The following SETDB2 variants were observed in gnomAD, a reference collection of about 807,000 sequenced individuals.
SETDB2 encodes the protein histone-lysine N-methyltransferase SETDB2.
In SETDB2, 56 loss-of-function variants were observed where a neutral mutation model predicts 82.5. The ratio of observed to expected loss-of-function variants is 0.68; its 90% CI spans 0.55 to 0.85. The LOEUF is 0.85. SETDB2 is among the 40% of genes least tolerant of loss of function. SETDB2 has a pLI of 0.00. For synonymous variants in SETDB2, 272 were observed against 284.9 expected (o/e 0.95, Z 0.46); for missense variants, 677 against 816.4 (o/e 0.83, Z 2.08).
chr13:49,453,637 G>A (rs965045544), intron 2 of SETDB2, among the ~76,000 whole-genome samples: 3 of 152,076 alleles, frequency 2.0e-5, no homozygotes, highest in Non-Finnish European at 4.4e-5. Context: ...CGTCATCAGT[G>A]TAGGTATTTT....
chr13:49,488,775 T>C (rs80072957), intron 12 of SETDB2, 145 bp downstream of exon 12: 37,477 of 632,336 alleles, frequency 0.059, 1,379 homozygotes, highest in Middle Eastern at 0.09. Flanking sequence ...GTTGGATGTT[T>C]TACTTGACCT....
At chr13:49,454,741 A>G (rs1449847239) in intron 2 of SETDB2, among the ~76,000 whole-genome samples, 3 of 152,214 alleles carry the variant, frequency 2.0e-5, no homozygotes, top group East Asian at 1.9e-4. Flanking sequence ...GCATAATGTC[A>G]TGCATCTATA....
rs1451471590 is a variant in SETDB2 at position 49,493,559 on chromosome 13, T to G, written c.*1710T>G. On this transcript the variant is annotated 3_prime_UTR_variant, in exon 14 of 14. Transcript: ENST00000611815. ...TCCAGTTAGATGCCATTATTTTCCT[T>G]TTCCTTGGTTTACTCTTCCACATAT... is the stretch of plus-strand genomic sequence containing the variant. The G allele has an allele frequency of 3.3e-5, 5 of 152,230 alleles. No individual in the cohort carries two copies. The highest frequency in any genetic ancestry group is 2.6e-4 in the Admixed American group (4 of 15,290). The allele number at this position is 152,230 out of a possible 1,614,324, so 9.4% of individuals were successfully genotyped here.
intron 5 of SETDB2, among the ~76,000 whole-genome samples, chr13:49,473,546 G>C (rs1293471879): frequency 3.4e-5 from 4 of 116,200 alleles, no homozygotes; most frequent in Non-Finnish European, 6.7e-5. Context: ...GTAAGACCCT[G>C]TCTCCAAAAA....
Position 49,482,950 on chromosome 13 carries a change from A to G in SETDB2, c.1370A>G (p.Lys457Arg), listed in dbSNP as rs1464950199. 1.2e-6 allele frequency: 2 copies of G among 1,606,802 alleles called. No homozygotes were observed. Among genetic ancestry groups the G allele is most frequent in the African/African-American group, 1.3e-5 (1 of 74,648 alleles). Reference sequence around the variant, plus strand: ...CCACCAAAGTTCAGTAATAATCCCAAGGAGCTTACTGTGTAAGTAACAGCT... The same window carrying G: ...CCACCAAAGTTCAGTAATAATCCCAGGGAGCTTACTGTGTAAGTAACAGCT... Reference protein sequence around the residue: ...KCPPKFSNNPKELTVETKYDN... With the variant: ...KCPPKFSNNPRELTVETKYDN... Residue 457 changes from lysine (K) to arginine (R), a missense_variant, in exon 9 of 14, where the codon AAG (lysine) becomes AGG (arginine). Coordinates refer to ENST00000611815, the MANE Select transcript of SETDB2 (RefSeq NM_001160308.3).
rs759430953 is a variant in SETDB2 at position 49,476,966 on chromosome 13, C to T, written c.796C>T (p.Arg266Ter). 1 of 1,613,764 alleles carries T rather than the reference C, an allele frequency of 6.2e-7. No homozygotes were observed. The highest frequency in any genetic ancestry group is 1.1e-5 in the South Asian group (1 of 91,040). Residue 266 changes from arginine (R) to a stop codon, truncating the protein, a stop_gained, in exon 6 of 14, where the codon CGA becomes TGA. Coordinates refer to ENST00000611815, the MANE Select transcript of SETDB2 (RefSeq NM_001160308.3). LOFTEE classifies it high-confidence loss of function. ...TAAGTACAGAAAGACTGTGTGGCCT[C>T]GAGCATATAATCTAACCAACTTTTC... ...QFKYRKTVWPRAYNLTNFSSM... is the reference protein window; with the variant it reads ...QFKYRKTVWP
chr13:49,458,736 T>C (rs1429524817), intron 2 of SETDB2, among the ~76,000 whole-genome samples: 1 of 152,232 alleles, frequency 6.6e-6, no homozygotes, highest in African/African-American at 2.4e-5. Context: ...CTCTTACTAC[T>C]TGAATTTGCC....
At chr13:49,460,999 A>G (rs1957981295) in intron 3 of SETDB2, 98 bp from the exon 4 acceptor site, 9 of 875,302 alleles carry the variant, frequency 1.0e-5, no homozygotes, top group Non-Finnish European at 1.6e-5. Context: ...TCAGAGGAAT[A>G]GTGAAGATTA....
At chr13:49,467,808 A>G in intron 4 of SETDB2, 56 bp from the exon 5 acceptor site, 1 of 1,350,474 alleles carries the variant, frequency 7.4e-7, no homozygotes, top group Non-Finnish European at 1.0e-6. Context: ...TTGGGTACTT[A>G]TAGCAAATGG....
In SETDB2 at chr13:49,491,963, G is replaced by A; in HGVS notation, c.*114G>A. ...CCCCTCCGTTTTCCTTTGTCATGGG[G>A]TTTATGTTTTATTTCAGATTTTATT... is the stretch of plus-strand genomic sequence containing the variant. On this transcript the variant is annotated 3_prime_UTR_variant, in exon 14 of 14. Coordinates refer to ENST00000611815, the MANE Select transcript of SETDB2 (RefSeq NM_001160308.3). 2.6e-6 allele frequency: 2 copies of A among 770,790 alleles called. No individual in the cohort carries two copies. The highest frequency in any genetic ancestry group is 3.8e-5 in the Admixed American group (2 of 52,936). The allele number at this position is 770,790 out of a possible 1,614,324, so 47.7% of individuals were successfully genotyped here. A position where few individuals can be genotyped will look rare whatever the true frequency, so the allele number is the denominator to read the frequency against.
Position 49,483,526 on chromosome 13 carries a change from C to T in SETDB2, c.1445C>T (p.Ser482Phe). ...CATTCAGTTATTAGAGATCCTGAAT[C>T]CAAGACAGCCATTTTTCAACACAAT... ...QYHSVIRDPE[S>F]KTAIFQHNGK... The change falls in exon 10 of 14, where the codon TCC (serine) becomes TTC (phenylalanine). Residue 482 changes from serine to phenylalanine, a missense_variant. Physicochemically the swap from Ser to Phe is radical, Grantham distance 155 (BLOSUM62 -2). Coordinates refer to ENST00000611815, the MANE Select transcript of SETDB2 (RefSeq NM_001160308.3). The T allele has an allele frequency of 6.7e-7, 1 of 1,495,850 alleles. No individual in the cohort carries two copies. Among genetic ancestry groups the T allele is most frequent in the Non-Finnish European group, 9.0e-7 (1 of 1,107,440 alleles). 92.7% of individuals were successfully genotyped at this position (1,495,850 alleles called of 1,614,324 possible).
rs904014308 is a variant in SETDB2 at position 49,480,276 on chromosome 13, A to G, written c.927A>G (p.Ser309=). ...GGAATGCCAAAACTTCCCCCTTGTCAAGTGACAAAATAACCACTGGATATA... is the reference window on the plus strand; with the variant it reads ...GGAATGCCAAAACTTCCCCCTTGTCGAGTGACAAAATAACCACTGGATATA... ...TARNAKTSPL[S]SDKITTGYKY... is the part of the protein sequence containing the mutation. The change falls in exon 7 of 14, where the codon TCA becomes TCG. Residue 309 remains serine, a synonymous_variant. Transcript: ENST00000611815. 2.5e-6 allele frequency: 4 copies of G among 1,611,994 alleles called. No individual in the cohort carries two copies. The highest frequency in any genetic ancestry group is 3.4e-5 in the Admixed American group (2 of 59,342).
intron 1 of SETDB2, among the ~76,000 whole-genome samples, chr13:49,448,223 T>C (rs1372049852): frequency 3.9e-5 from 6 of 152,188 alleles, no homozygotes; most frequent in Admixed American, 3.9e-4. Flanking sequence ...TGGTAATTTA[T>C]ATTTTCCTAG....
chr13:49,466,793 G>T (rs959845010), intron 4 of SETDB2, among the ~76,000 whole-genome samples: 1 of 146,928 alleles, frequency 6.8e-6, no homozygotes, highest in African/African-American at 2.5e-5. Context: ...ACAGGCATGC[G>T]CCACCATGCC....
chr13:49,475,610 C>T (rs1050971547), intron 5 of SETDB2, among the ~76,000 whole-genome samples: 39 of 151,960 alleles, frequency 2.6e-4, no homozygotes, highest in African/African-American at 9.2e-4. Flanking sequence ...CCTCAGCCCC[C>T]GAAGTAGCTG....
At position 49,476,962 on chromosome 13, in the gene SETDB2, G is replaced by T; in HGVS notation, c.792G>T (p.Trp264Cys). 3.1e-6 allele frequency: 5 copies of T among 1,613,884 alleles called. No homozygotes were observed. Among genetic ancestry groups the T allele is most frequent in the Non-Finnish European group, 4.2e-6 (5 of 1,180,000 alleles). Residue 264 changes from tryptophan to cysteine, a missense_variant, in exon 6 of 14, where the codon TGG becomes TGT. Trp to Cys is a radical substitution (Grantham distance 215). This residue lies in a region of SETDB2 where 420 missense variants were observed against 554.6 expected (regional missense o/e 0.76). Transcript: ENST00000611815. Reference protein sequence around the residue: ...LPQFKYRKTVWPRAYNLTNFS... With the variant: ...LPQFKYRKTVCPRAYNLTNFS... ...AGTTTAAGTACAGAAAGACTGTGTGGCCTCGAGCATATAATCTAACCAACT... is the reference window on the plus strand; with the variant it reads ...AGTTTAAGTACAGAAAGACTGTGTGTCCTCGAGCATATAATCTAACCAACT...
chr13:49,489,867 A>G (rs1369110496), intron 12 of SETDB2, among the ~76,000 whole-genome samples: 1 of 134,086 alleles, frequency 7.5e-6, no homozygotes, highest in Non-Finnish European at 1.6e-5. Context: ...AAGTGCTGGG[A>G]TTACAGGTGT....
chr13:49,482,346 A>T (rs1470443256), intron 8 of SETDB2: 7 of 984,246 alleles, frequency 7.1e-6, no homozygotes, highest in Non-Finnish European at 8.4e-6. Context: ...TTAAATAGGT[A>T]CTTTTGTTAA....
chr13:49,453,533 A>G (rs942103536), intron 2 of SETDB2, among the ~76,000 whole-genome samples: 8 of 151,994 alleles, frequency 5.3e-5, no homozygotes, highest in African/African-American at 7.2e-5. Context: ...CCTGACCTCA[A>G]GTGATCCACC....
Sources: gnomAD v4.1 joint callset for allele counts (sites outside exome capture counted in the v4.1 genomes callset) on GRCh38, gnomAD v4.1.1 for gene constraint, gnomAD v4.1.1 regional missense constraint, MANE v1.5 for transcripts, NCBI Gene and HGNC (gene_info 2026-07-23, HGNC 2026-07-21) for gene names.